MAPK10: variants seen among roughly 807,000 people sequenced by gnomAD.
MAPK10 encodes the protein mitogen-activated protein kinase 10, also known as JNK3 alpha protein kinase.
Under a neutral mutation model 59.3 loss-of-function variants are expected in MAPK10, and 25 were observed. That is an observed-to-expected ratio of 0.42 (90% CI 0.31 to 0.59). The LOEUF (loss-of-function observed/expected upper bound fraction) is 0.59, where lower values mean the gene tolerates loss of function less well. Among genes scored for constraint, MAPK10 ranks in the 20% least tolerant of loss-of-function variants. MAPK10 has a pLI of 0.15. For synonymous variants in MAPK10, 190 were observed against 200.5 expected (o/e 0.95, Z 0.44); for missense variants, 351 against 568.9 (o/e 0.62, Z 3.90).
chr4:86,587,421 A>AT (rs1370358051), intron 1 of MAPK10, among the ~76,000 whole-genome samples: 6 of 152,102 alleles, frequency 3.9e-5, no homozygotes, highest in East Asian at 1.9e-4. Flanking sequence ...CTATCACTGC[A>AT]TTTTTTTTCC....
rs1260224265 is a variant in MAPK10, at chr4:86,167,776, G to A, written c.67-8309C>T. Among the ~76,000 whole-genome samples, 6 of 152,092 alleles carry A rather than the reference G, an allele frequency of 3.9e-5. No homozygotes were observed. In the East Asian group the frequency reaches 9.7e-4, roughly 24 times the overall value. On this transcript the variant is annotated intron_variant, in intron 3 of 13. Coordinates refer to ENST00000641462, the MANE Select transcript of MAPK10 (RefSeq NM_138982.4). ...AACCAATATCCCACAACCCACAACT[G>A]AATGGGCAAAAGCTGGAAGCATTCC...
chr4:86,296,169 T>G, intron 2 of MAPK10, among the ~76,000 whole-genome samples: 1 of 137,318 alleles, frequency 7.3e-6, no homozygotes. Flanking sequence ...GAGTAAGACT[T>G]GGTCTCAAAA....
intron 1 of MAPK10, among the ~76,000 whole-genome samples, chr4:86,389,139 T>G (rs1396309573): frequency 6.6e-6 from 1 of 152,028 alleles, no homozygotes; most frequent in Admixed American, 6.6e-5. Flanking sequence ...TCTCACAAGA[T>G]CTGGTTGTTT....
intron 1 of MAPK10, among the ~76,000 whole-genome samples, chr4:86,490,615 G>T (rs1409316718): frequency 6.6e-6 from 1 of 152,202 alleles, no homozygotes; most frequent in East Asian, 1.9e-4. Context: ...GACAAGTAGG[G>T]ACTAAAGTCC....
chr4:86,116,020 AACTT>A (rs1386722153), intron 4 of MAPK10, among the ~76,000 whole-genome samples: 1 of 152,238 alleles, frequency 6.6e-6, no homozygotes, highest in African/African-American at 2.4e-5. Context: ...ACAGGAATTA[AACTT>A]ACTGTCTAAA....
intron 1 of MAPK10, among the ~76,000 whole-genome samples, chr4:86,477,351 A>G (rs1052565447): frequency 6.6e-6 from 1 of 152,120 alleles, no homozygotes; most frequent in African/African-American, 2.4e-5. Context: ...TTATCAGGCC[A>G]AGACACTTTA....
chr4:86,145,046 G>C (rs2064566982), intron 4 of MAPK10, among the ~76,000 whole-genome samples: 1 of 152,016 alleles, frequency 6.6e-6, no homozygotes, highest in African/African-American at 2.4e-5. Flanking sequence ...CTACCAATTA[G>C]TTTTATCCTC....
chr4:86,528,953 G>A (rs1204469351), intron 1 of MAPK10, among the ~76,000 whole-genome samples: 2 of 152,128 alleles, frequency 1.3e-5, no homozygotes, highest in Non-Finnish European at 2.9e-5. Flanking sequence ...GAAAGTTTTG[G>A]GAATTTGGTG....
Position 86,031,365 on chromosome 4 carries a change from T to C in MAPK10, c.1174+3A>G. The C allele has an allele frequency of 6.2e-7, 1 of 1,600,804 alleles. No individual in the cohort carries two copies. Among genetic ancestry groups the C allele is most frequent in the Non-Finnish European group, 8.6e-7 (1 of 1,168,192 alleles). On this transcript the variant is annotated splice_donor_region_variant and intron_variant, in intron 12 of 13. Coordinates refer to ENST00000641462, the MANE Select transcript of MAPK10 (RefSeq NM_138982.4). ...AGTATACTTTTTTAAGTAGTAGACT[T>C]ACCTTTCCATTCTTCAATTGTGTGT...
At chr4:86,265,198 C>T (rs1421868850) in intron 2 of MAPK10, among the ~76,000 whole-genome samples, 1 of 152,028 alleles carries the variant, frequency 6.6e-6, no homozygotes, top group African/African-American at 2.4e-5. Context: ...AGAAGCATTC[C>T]TTTGCCCAAC....
At chr4:86,166,121 C>G (rs2071632005) in intron 3 of MAPK10, among the ~76,000 whole-genome samples, 1 of 152,136 alleles carries the variant, frequency 6.6e-6, no homozygotes, top group Non-Finnish European at 1.5e-5. Context: ...AGGCACCAAG[C>G]TAGTATGAGT....
chr4:86,107,652 T>A, intron 4 of MAPK10: 1 of 1,015,150 alleles, frequency 9.9e-7, no homozygotes, highest in Non-Finnish European at 1.2e-6. Context: ...TAGCATATAA[T>A]TGCCTCAGTG....
chr4:86,363,795 T>C (rs1274087566), upstream of MAPK10, among the ~76,000 whole-genome samples: 1 of 152,170 alleles, frequency 6.6e-6, no homozygotes, highest in East Asian at 1.9e-4. Context: ...AAAACTCTTT[T>C]TTTTTGAGAC....
At chr4:86,283,573 A>T (rs1425352418) in intron 2 of MAPK10, among the ~76,000 whole-genome samples, 1 of 152,204 alleles carries the variant, frequency 6.6e-6, no homozygotes, top group Non-Finnish European at 1.5e-5. Flanking sequence ...AGAAGGCTGG[A>T]GCTGTGCCAA....
At chr4:86,318,031 C>T (rs998671011) in intron 2 of MAPK10, among the ~76,000 whole-genome samples, 6 of 152,124 alleles carry the variant, frequency 3.9e-5, no homozygotes, top group Non-Finnish European at 7.3e-5. Flanking sequence ...AATGTGTCTG[C>T]GTCTCTGTGT....
chr4:86,248,297 T>A (rs1449652242), intron 2 of MAPK10, among the ~76,000 whole-genome samples: 1 of 152,246 alleles, frequency 6.6e-6, no homozygotes, highest in East Asian at 1.9e-4. Context: ...AATTAAAATG[T>A]TAAATTCGTT....
chr4:86,057,032 C>T (rs566077470), intron 11 of MAPK10, among the ~76,000 whole-genome samples: 5 of 148,614 alleles, frequency 3.4e-5, no homozygotes, highest in African/African-American at 5.1e-5. Context: ...GGTGCGATCT[C>T]GGCTCACTGC....
rs926299826 is a variant in MAPK10, at chr4:86,415,040, C to T, written c.-122+37990G>A. Among the ~76,000 whole-genome samples the T allele has an allele frequency of 2.0e-5, 3 of 149,964 alleles. No homozygotes were observed. In the South Asian group the frequency reaches 6.4e-4, roughly 32 times the overall value. ...GTACCCCCAGCTACTCAGGGGAGAC[C>T]GAGGTGAAAGGATTGCTTGACCCTG... is the stretch of plus-strand genomic sequence containing the variant. On this transcript the variant is annotated intron_variant, in intron 1 of 13. Transcript: ENST00000361569.
intron 2 of MAPK10, among the ~76,000 whole-genome samples, chr4:86,202,445 C>G (rs574532976): frequency 6.6e-6 from 1 of 151,876 alleles, no homozygotes; most frequent in Non-Finnish European, 1.5e-5. Context: ...AACCCCAGGG[C>G]CTACCACTAT....
Sources: allele counts gnomAD v4.1 joint callset (sites outside exome capture counted in the v4.1 genomes callset), GRCh38; gene constraint gnomAD v4.1.1; transcripts MANE v1.5; gene names NCBI Gene and HGNC (gene_info 2026-07-23, HGNC 2026-07-21).